The following TCP11L1 variants were observed in gnomAD, a reference collection of about 807,000 sequenced individuals.
TCP11L1 encodes the protein T-complex protein 11-like protein 1.
A neutral mutation model predicts 48.9 loss-of-function variants in TCP11L1; 28 were observed. The ratio of observed to expected loss-of-function variants is 0.57; its 90% CI spans 0.42 to 0.78. The LOEUF is 0.78. Ranked by LOEUF, TCP11L1 falls within the 30% of genes least tolerant of loss-of-function variation. The probability of loss-of-function intolerance (pLI) is 0.00; values close to 1 mark genes in which losing one functional copy is unlikely to be tolerated. For synonymous variants in TCP11L1, 204 were observed against 231.9 expected (o/e 0.88, Z 1.09); for missense variants, 505 against 613.4 (o/e 0.82, Z 1.87).
Position 33,059,035 on chromosome 11 carries a change from A to T in TCP11L1, c.715A>T (p.Met239Leu). ...TATCAGTAGCATCAGGCCTCATCTCATGCAGCAGTCAGTTGAATACGAAAG... is the reference window on the plus strand; with the variant it reads ...TATCAGTAGCATCAGGCCTCATCTCTTGCAGCAGTCAGTTGAATACGAAAG... ...FAISSIRPHLMQQSVEYERKK... is the reference protein window; with the variant it reads ...FAISSIRPHLLQQSVEYERKK... Residue 239 changes from methionine (M) to leucine (L), a missense_variant, in exon 6 of 10, where the codon ATG (methionine) becomes TTG (leucine). Physicochemically the swap from Met to Leu is conservative, Grantham distance 15. Coordinates refer to ENST00000334274, the MANE Select transcript of TCP11L1 (RefSeq NM_018393.4). 2 of 1,614,114 alleles carry T rather than the reference A, an allele frequency of 1.2e-6. No individual in the cohort carries two copies. Among genetic ancestry groups the T allele is most frequent in the Non-Finnish European group, 1.7e-6 (2 of 1,179,944 alleles).
chr11:33,050,655 C>CA (rs1854132434), intron 2 of TCP11L1, among the ~76,000 whole-genome samples: 2 of 148,038 alleles, frequency 1.4e-5, no homozygotes, highest in South Asian at 2.1e-4. Context: ...AAACAAATAA[C>CA]AAAAAAACCT....
chr11:33,044,409 T>C (rs1853927770), intron 2 of TCP11L1, among the ~76,000 whole-genome samples: 1 of 152,340 alleles, frequency 6.6e-6, no homozygotes, highest in East Asian at 1.9e-4. Flanking sequence ...TGAAGTCATT[T>C]CAGATCCCTG....
chr11:33,072,865 A>G lies in TCP11L1; in HGVS notation c.*189A>G, dbSNP rs1564991820. The G allele has an allele frequency of 3.0e-6, 2 of 663,064 alleles. No individual in the cohort carries two copies. The highest frequency in any genetic ancestry group is 5.1e-6 in the Non-Finnish European group (2 of 395,306). 41.1% of individuals were successfully genotyped at this position (663,064 alleles called of 1,614,324 possible). A position where few individuals can be genotyped will look rare whatever the true frequency, so the allele number is the denominator to read the frequency against. On this transcript the variant is annotated 3_prime_UTR_variant, in exon 10 of 10. Coordinates refer to ENST00000334274, the MANE Select transcript of TCP11L1 (RefSeq NM_018393.4). The stretch of plus-strand genomic sequence containing the variant: ...AATCCACTGAATTCTATTTTGAGAG[A>G]TTGTATTTATGAGTGCAAGTTTACA...
At chr11:33,056,553 T>C in intron 3 of TCP11L1, 1 of 166,278 alleles carries the variant, frequency 6.0e-6, no homozygotes, top group Middle Eastern at 2.9e-3. Flanking sequence ...ACTGAATTGT[T>C]ATCTTATTAT....
chr11:33,044,822 G>A (rs1216108575), intron 2 of TCP11L1, among the ~76,000 whole-genome samples: 1 of 152,124 alleles, frequency 6.6e-6, no homozygotes, highest in Non-Finnish European at 1.5e-5. Context: ...GAAACATGTT[G>A]TTGCTAGCAC....
intron 1 of TCP11L1, among the ~76,000 whole-genome samples, chr11:33,042,591 A>G (rs76154193): frequency 0.14 from 21,749 of 152,240 alleles, 1,687 homozygotes; most frequent in Middle Eastern, 0.22. Context: ...ACTGGCAAGA[A>G]GGTAATAAAA....
At chr11:33,057,611 T>G (rs1185565720) in intron 4 of TCP11L1, among the ~76,000 whole-genome samples, 1 of 152,212 alleles carries the variant, frequency 6.6e-6, no homozygotes, top group East Asian at 1.9e-4. Flanking sequence ...AAGAAATGTA[T>G]GCATGGAAAT....
chr11:33,044,045 C>A, intron 2 of TCP11L1, 109 bp downstream of exon 2: 1 of 1,131,376 alleles, frequency 8.8e-7, no homozygotes, highest in Non-Finnish European at 1.2e-6. Context: ...AATAATATAA[C>A]ATTGCCAATG....
intron 8 of TCP11L1, among the ~76,000 whole-genome samples, chr11:33,067,910 A>T (rs1007714532): frequency 5.9e-5 from 9 of 151,612 alleles, no homozygotes; most frequent in South Asian, 2.1e-4. Flanking sequence ...TTTTTTAAAA[A>T]TTTTTTAATT....
intron 3 of TCP11L1, 98 bp from the exon 4 acceptor site, chr11:33,057,017 A>G: frequency 6.6e-7 from 1 of 1,519,102 alleles, no homozygotes; most frequent in Non-Finnish European, 9.0e-7. Flanking sequence ...ACTGGGATTG[A>G]TCTTACCCTA....
chr11:33,054,658 G>A lies in TCP11L1; in HGVS notation c.229G>A (p.Ala77Thr). Residue 77 changes from alanine to threonine, a missense_variant, in exon 3 of 10, where the codon GCT (alanine) becomes ACT (threonine). Coordinates refer to ENST00000334274, the MANE Select transcript of TCP11L1 (RefSeq NM_018393.4). The part of the protein sequence containing the change: ...LETARGVTNM[A>T]LAHEIVVNGD... ...GACAGCGAGAGGTGTCACCAACATG[G>A]CTCTAGCCCATGAAATTGTAGTAAA... 1 of 1,613,896 alleles carries A rather than the reference G, an allele frequency of 6.2e-7. No individual in the cohort carries two copies. Among genetic ancestry groups the A allele is most frequent in the South Asian group, 1.1e-5 (1 of 91,036 alleles).
intron 2 of TCP11L1, among the ~76,000 whole-genome samples, chr11:33,045,863 G>A (rs2145297): frequency 0.39 from 59,445 of 152,126 alleles, 11,760 homozygotes; most frequent in East Asian, 0.45. Context: ...AGGATGTGGG[G>A]GTTGAAAGAA....
intron 2 of TCP11L1, among the ~76,000 whole-genome samples, chr11:33,050,800 A>T (rs1854137373): frequency 6.7e-6 from 1 of 149,882 alleles, no homozygotes; most frequent in Non-Finnish European, 1.5e-5. Context: ...CCAAGATCGC[A>T]AAGATTTCTA....
In TCP11L1 at chr11:33,057,093, CT is replaced by C. The variant is rs3215658; in HGVS notation, c.297-12del. On this transcript the variant is annotated intron_variant, in intron 3 of 9. Coordinates refer to ENST00000334274, the MANE Select transcript of TCP11L1 (RefSeq NM_018393.4). Reference sequence around the variant, plus strand: ...AAATATTTTGGTTTTTGCCCCCCTCCTTTTTTTTTTCACTGCCCCAGCTTGA... The same window carrying C: ...AAATATTTTGGTTTTTGCCCCCCTCCTTTTTTTTTCACTGCCCCAGCTTGA... 1.2e-3 allele frequency: 1,842 copies of C among 1,482,316 alleles called. 3 individuals carry two copies. The highest frequency in any genetic ancestry group is 4.2e-3 in the South Asian group (311 of 74,168). The allele number at this position is 1,482,316 out of a possible 1,614,324, so 91.8% of individuals were successfully genotyped here. A position where few individuals can be genotyped will look rare whatever the true frequency, so the allele number is the denominator to read the frequency against.
intron 2 of TCP11L1, among the ~76,000 whole-genome samples, chr11:33,048,882 TC>T (rs1189425357): frequency 6.6e-6 from 1 of 152,184 alleles, no homozygotes; most frequent in African/African-American, 2.4e-5. Flanking sequence ...CCTGATTTGC[TC>T]CAGCCACTGT....
At chr11:33,061,862 C>A in intron 7 of TCP11L1, 136 bp downstream of exon 7, 1 of 886,576 alleles carries the variant, frequency 1.1e-6, no homozygotes, top group Non-Finnish European at 1.6e-6. Flanking sequence ...AGGCAGATTG[C>A]TTGAGGTCAG....
chr11:33,057,389 C>G (rs1386165171), intron 4 of TCP11L1, among the ~76,000 whole-genome samples, 154 bp downstream of exon 4: 1 of 152,080 alleles, frequency 6.6e-6, no homozygotes, highest in Non-Finnish European at 1.5e-5. Flanking sequence ...TGGCTTAATG[C>G]CCTTTTTTAA....
intron 3 of TCP11L1, among the ~76,000 whole-genome samples, chr11:33,056,248 T>C (rs1172979396): frequency 6.6e-6 from 1 of 152,198 alleles, no homozygotes; most frequent in Non-Finnish European, 1.5e-5. Context: ...TAGCTGGGAC[T>C]ATAAAGCATG....
intron 7 of TCP11L1, among the ~76,000 whole-genome samples, chr11:33,062,457 A>T (rs1480118651): frequency 6.6e-6 from 1 of 152,246 alleles, no homozygotes; most frequent in Admixed American, 6.5e-5. Context: ...ATATAGCAGT[A>T]GTTTAGTCCT....
Sources: gnomAD v4.1 joint callset for allele counts (sites outside exome capture counted in the v4.1 genomes callset) on GRCh38, gnomAD v4.1.1 for gene constraint, MANE v1.5 for transcripts, NCBI Gene and HGNC (gene_info 2026-07-23, HGNC 2026-07-21) for gene names.